The following TAF15 variants were observed in gnomAD, a reference collection of about 807,000 sequenced individuals.
TAF15 encodes the protein TATA-binding protein-associated factor 2N.
In TAF15, 37 loss-of-function variants were observed where a neutral mutation model predicts 102.5. The observed-to-expected ratio is 0.36, with a 90% confidence interval of 0.28 to 0.47. TAF15 has a LOEUF of 0.47. TAF15 is among the 20% of genes least tolerant of loss of function. The pLI is 0.99. For synonymous variants in TAF15, 273 were observed against 259.2 expected (o/e 1.05, Z -0.51); for missense variants, 652 against 760.7 (o/e 0.86, Z 1.68).
At chr17:35,818,060 C>G (rs1455178293) in intron 2 of TAF15, among the ~76,000 whole-genome samples, 1 of 151,942 alleles carries the variant, frequency 6.6e-6, no homozygotes, top group African/African-American at 2.4e-5. Flanking sequence ...TAACTGTAAT[C>G]TCCACTACAG....
chr17:35,820,155 A>G lies in TAF15; in HGVS notation c.100-9A>G. ...GGTGATGAAACTTGAGTATTTACCT[A>G]AATTTCAGAGCTATTCTGGCTATGG... On this transcript the variant is annotated splice_polypyrimidine_tract_variant and intron_variant, in intron 3 of 15. Coordinates refer to ENST00000605844, the MANE Select transcript of TAF15 (RefSeq NM_139215.3). The G allele has an allele frequency of 1.2e-6, 2 of 1,614,098 alleles. No individual in the cohort carries two copies. Among genetic ancestry groups the G allele is most frequent in the Non-Finnish European group, 1.7e-6 (2 of 1,179,940 alleles).
intron 7 of TAF15, 38 bp downstream of exon 7, chr17:35,824,236 TTCC>T (rs1316327376): frequency 6.3e-7 from 1 of 1,591,796 alleles, no homozygotes; most frequent in Non-Finnish European, 8.5e-7. Context: ...TTTCTTCTTC[TTCC>T]TCTTTTTTTT....
At chr17:35,846,833 C>A in intron 15 of TAF15, 73 bp from the exon 16 acceptor site, 10 of 1,528,672 alleles carry the variant, frequency 6.5e-6, no homozygotes, top group Non-Finnish European at 9.1e-6. Context: ...CACTAGTACC[C>A]TGAAGAAGTG....
chr17:35,832,034 C>T (rs1463126350), intron 7 of TAF15, among the ~76,000 whole-genome samples: 1 of 152,074 alleles, frequency 6.6e-6, no homozygotes, highest in Non-Finnish European at 1.5e-5. Context: ...GCCAAGATTG[C>T]GCCACTGCAC....
Position 35,844,360 on chromosome 17 carries a change from CAGG to C in TAF15, c.1176_1177+1del, listed in dbSNP as rs1370262569. 1 of 1,614,178 alleles carries C rather than the reference CAGG, an allele frequency of 6.2e-7. No individual in the cohort carries two copies. On this transcript the variant is annotated inframe_deletion, in exon 14 of 16. Transcript: ENST00000605844. ...CCTAGACCAGAGGACTCTCGTCCCT[CAGG>C]AGGAGGTGGGTCAGCCTTTTAATAG...
intron 7 of TAF15, among the ~76,000 whole-genome samples, chr17:35,828,344 A>T (rs1015673279): frequency 1.3e-5 from 2 of 152,242 alleles, no homozygotes; most frequent in Non-Finnish European, 2.9e-5. Context: ...TAAATTTTCT[A>T]ATAGCCACAT....
intron 9 of TAF15, among the ~76,000 whole-genome samples, chr17:35,835,619 A>G (rs1256755597): frequency 6.6e-6 from 1 of 152,254 alleles, no homozygotes; most frequent in African/African-American, 2.4e-5. Context: ...TGTGCATGTC[A>G]GGTAACATGT....
chr17:35,835,677 TG>T (rs1180922207), intron 9 of TAF15, among the ~76,000 whole-genome samples: 1 of 152,254 alleles, frequency 6.6e-6, no homozygotes. Flanking sequence ...TTGCAATGAA[TG>T]GGAAACCAGC....
intron 9 of TAF15, among the ~76,000 whole-genome samples, chr17:35,835,551 T>C (rs2087463461): frequency 1.3e-5 from 2 of 152,378 alleles, no homozygotes; most frequent in Non-Finnish European, 1.5e-5. Flanking sequence ...TTCTGAATTA[T>C]CCCTTCATGG....
chr17:35,815,278 A>G (rs2087181929), intron 1 of TAF15, among the ~76,000 whole-genome samples: 1 of 152,252 alleles, frequency 6.6e-6, no homozygotes, highest in African/African-American at 2.4e-5. Context: ...AGGTCCAGAC[A>G]CAAAGCACAA....
At chr17:35,846,831 C>A in intron 15 of TAF15, 75 bp from the exon 16 acceptor site, 1 of 1,502,248 alleles carries the variant, frequency 6.7e-7, no homozygotes, top group Non-Finnish European at 9.3e-7. Flanking sequence ...ATCACTAGTA[C>A]CCTGAAGAAG....
chr17:35,821,717 T>G (rs1291356552), intron 5 of TAF15, among the ~76,000 whole-genome samples: 2 of 152,188 alleles, frequency 1.3e-5, no homozygotes, highest in Admixed American at 6.6e-5. Flanking sequence ...TGAAGATACT[T>G]AGAATTTTCC....
At chr17:35,822,541 T>C in intron 5 of TAF15, 99 bp from the exon 6 acceptor site, 1 of 1,082,908 alleles carries the variant, frequency 9.2e-7, no homozygotes, top group Non-Finnish European at 1.4e-6. Flanking sequence ...ATGGTTAATG[T>C]CTCTAACTGG....
chr17:35,835,665 T>A (rs1466505282), intron 9 of TAF15, among the ~76,000 whole-genome samples: 1 of 152,248 alleles, frequency 6.6e-6, no homozygotes, highest in African/African-American at 2.4e-5. Context: ...ATACAAAGCT[T>A]ATTGCAATGA....
chr17:35,834,871 A>C (rs1468001715), intron 9 of TAF15, among the ~76,000 whole-genome samples: 2 of 149,254 alleles, frequency 1.3e-5, no homozygotes, highest in African/African-American at 5.0e-5. Context: ...TCTGCCTCCC[A>C]AGTAGGTGGG....
intron 1 of TAF15, among the ~76,000 whole-genome samples, chr17:35,815,954 T>A (rs2087190065): frequency 6.6e-6 from 1 of 152,166 alleles, no homozygotes; most frequent in Non-Finnish European, 1.5e-5. Context: ...GTGTCAAGAT[T>A]TCATTTAATA....
In TAF15 at chr17:35,846,997, CAG is replaced by C. The variant is rs755448324; in HGVS notation, c.*55_*56del. 14 of 1,602,644 alleles carry C rather than the reference CAG, an allele frequency of 8.7e-6. No individual in the cohort carries two copies. The highest frequency in any genetic ancestry group is 2.7e-5 in the African/African-American group (2 of 74,252). ...CTGACATGATCCATAGTGAAATTGC[CAG>C]AGTTTTGCCTGCTGCTTTCCTCGTG... On this transcript the variant is annotated 3_prime_UTR_variant, in exon 16 of 16. Transcript: ENST00000605844.
chr17:35,810,443 A>G (rs1487958937), intron 1 of TAF15: 2 of 152,218 alleles, frequency 1.3e-5, no homozygotes, highest in Non-Finnish European at 2.9e-5. Flanking sequence ...ATCCTGCTAA[A>G]CCAGAATAAA....
chr17:35,824,251 T>A, intron 7 of TAF15, 53 bp downstream of exon 7: 2 of 1,603,672 alleles, frequency 1.2e-6, no homozygotes, highest in Non-Finnish European at 8.5e-7. Flanking sequence ...CTTTTTTTTT[T>A]TTTTAAGGTG....
Sources: allele counts gnomAD v4.1 joint callset (sites outside exome capture counted in the v4.1 genomes callset), GRCh38; gene constraint gnomAD v4.1.1; transcripts MANE v1.5; gene names NCBI Gene and HGNC (gene_info 2026-07-23, HGNC 2026-07-21).